SLC7A7: variants seen among roughly 807,000 people sequenced by gnomAD.
SLC7A7 encodes the protein solute carrier family 7 member 7.
In SLC7A7, 39 loss-of-function variants were observed where a neutral mutation model predicts 47.9. The ratio of observed to expected loss-of-function variants is 0.81; its 90% CI spans 0.63 to 1.06. SLC7A7 has a LOEUF of 1.06. Ranked by LOEUF, SLC7A7 falls within the 50% of genes least tolerant of loss-of-function variation. The probability of loss-of-function intolerance (pLI) is 0.00; values close to 1 mark genes in which losing one functional copy is unlikely to be tolerated. For missense variants in SLC7A7, 588 were observed against 632.0 expected, an observed-to-expected ratio of 0.93 and a Z score of 0.75; for synonymous variants, 234 against 242.8, an observed-to-expected ratio of 0.96 and a Z score of 0.34.
intron 2 of SLC7A7, among the ~76,000 whole-genome samples, chr14:22,801,824 C>A (rs1021986351): frequency 6.6e-6 from 1 of 152,062 alleles, no homozygotes; most frequent in Non-Finnish European, 1.5e-5. Context: ...CCATCCTGAC[C>A]CCGGCATGCA....
chr14:22,815,076 A>T, intron 1 of SLC7A7: 1 of 337,572 alleles, frequency 3.0e-6, no homozygotes, highest in Non-Finnish European at 5.9e-6. Context: ...TCCCTACCCC[A>T]GAGTTGCTGC....
rs1023423886 is a variant in SLC7A7 at position 22,815,310 on chromosome 14, G to A, written c.-43+10C>T. The A allele has an allele frequency of 3.5e-5, 16 of 451,468 alleles. No individual in the cohort carries two copies. Among genetic ancestry groups the A allele is most frequent in the African/African-American group, 2.8e-4 (14 of 49,958 alleles). The allele number at this position is 451,468 out of a possible 1,614,324, so 28.0% of individuals were successfully genotyped here. On this transcript the variant is annotated intron_variant, in intron 1 of 9. Coordinates refer to ENST00000674313, the MANE Select transcript of SLC7A7 (RefSeq NM_003982.4). Reference sequence around the variant, plus strand: ...AGTGGAGATGAGAAGAGGGTGGAACGCACACTCACTCCTTGGTCCTGGATA... The same window carrying A: ...AGTGGAGATGAGAAGAGGGTGGAACACACACTCACTCCTTGGTCCTGGATA...
chr14:22,791,831 CT>C (rs35316014), intron 2 of SLC7A7, among the ~76,000 whole-genome samples: 9 of 53,464 alleles, frequency 1.7e-4, no homozygotes, highest in Admixed American at 2.5e-4. Context: ...ATCTCTACAC[CT>C]TTTTTTTTTT....
rs1216926716 is a variant in SLC7A7, at chr14:22,792,883, G to C, written c.500-12832C>G. On this transcript the variant is annotated intron_variant, in intron 2 of 9. Transcript: ENST00000674313. ...AAAGAAAGAAAGAGAGAGAGAGAGA[G>C]AGAGAGAGAGAGAAAGGAAAAGAAA... Among the ~76,000 whole-genome samples the C allele has an allele frequency of 7.4e-5, 11 of 147,818 alleles. No individual in the cohort carries two copies. In the East Asian group the frequency reaches 8.0e-4, roughly 11 times the overall value.
chr14:22,773,355 T>C lies in SLC7A7; in HGVS notation c.*255A>G, dbSNP rs756490569. ...GTAGGTAGGCACACCCAGGTGCTTC[T>C]AAAACAACCAAGCCCAAACCTGACA... is the stretch of plus-strand genomic sequence containing the variant. On this transcript the variant is annotated 3_prime_UTR_variant, in exon 10 of 10. Transcript: ENST00000674313. The C allele has an allele frequency of 6.8e-6, 4 of 591,488 alleles. No homozygotes were observed. The highest frequency in any genetic ancestry group is 4.6e-5 in the South Asian group (3 of 65,706). 36.6% of individuals were successfully genotyped at this position (591,488 alleles called of 1,614,324 possible).
chr14:22,788,019 G>GC (rs1318836712), intron 2 of SLC7A7, among the ~76,000 whole-genome samples: 1 of 151,858 alleles, frequency 6.6e-6, no homozygotes, highest in East Asian at 1.9e-4. Flanking sequence ...GTTGCAGTGA[G>GC]CCGAGATCGC....
chr14:22,802,115 A>G (rs933063124), intron 2 of SLC7A7, among the ~76,000 whole-genome samples: 1 of 152,118 alleles, frequency 6.6e-6, no homozygotes, highest in East Asian at 1.9e-4. Context: ...CTATTTATTG[A>G]GGGCCGGGCA....
At chr14:22,808,001 A>C (rs1193094297) in intron 2 of SLC7A7, among the ~76,000 whole-genome samples, 1 of 152,050 alleles carries the variant, frequency 6.6e-6, no homozygotes, top group Non-Finnish European at 1.5e-5. Flanking sequence ...GTCTCTACTA[A>C]AAACACAAAA....
At chr14:22,780,630 G>A (rs2038702375) in intron 2 of SLC7A7, among the ~76,000 whole-genome samples, 1 of 152,328 alleles carries the variant, frequency 6.6e-6, no homozygotes, top group African/African-American at 2.4e-5. Context: ...GCTAAGAGTG[G>A]TTCCTGTAGA....
chr14:22,817,319 T>TTTTTA (rs150800938), upstream of SLC7A7: 1,645 of 203,668 alleles, frequency 8.1e-3, 10 homozygotes, highest in South Asian at 0.015. Context: ...TATTTCGGTA[T>TTTTTA]TTTTATTTTA....
At chr14:22,799,748 C>G (rs1358220013) in intron 2 of SLC7A7, among the ~76,000 whole-genome samples, 1 of 152,166 alleles carries the variant, frequency 6.6e-6, no homozygotes, top group Non-Finnish European at 1.5e-5. Flanking sequence ...AGCCACCGCC[C>G]TGGCCTGTTC....
intron 2 of SLC7A7, among the ~76,000 whole-genome samples, chr14:22,783,486 C>T (rs937456610): frequency 9.3e-5 from 14 of 150,734 alleles, no homozygotes; most frequent in African/African-American, 2.9e-4. Flanking sequence ...CTGCAACCTC[C>T]GCCTCCTGGG....
intron 2 of SLC7A7, among the ~76,000 whole-genome samples, chr14:22,810,039 CAA>C (rs34386018): frequency 8.2e-5 from 5 of 60,668 alleles, no homozygotes; most frequent in African/African-American, 1.5e-4. Context: ...AACACTGTCT[CAA>C]AAAAAAAAAA....
At chr14:22,778,574 C>CT (rs2038658028) in intron 4 of SLC7A7, among the ~76,000 whole-genome samples, 1 of 118,040 alleles carries the variant, frequency 8.5e-6, no homozygotes, top group African/African-American at 3.2e-5. Flanking sequence ...GTAAAAATGC[C>CT]TTTAAAAATT....
At chr14:22,783,260 G>T (rs1457844140) in intron 2 of SLC7A7, among the ~76,000 whole-genome samples, 1 of 151,544 alleles carries the variant, frequency 6.6e-6, no homozygotes, top group Non-Finnish European at 1.5e-5. Flanking sequence ...ACGGGGTCTT[G>T]CTATGTGGCC....
chr14:22,811,844 CAAAAAAAAAAAA>C (rs57356836), intron 2 of SLC7A7, among the ~76,000 whole-genome samples: 177 of 125,184 alleles, frequency 1.4e-3, no homozygotes, highest in African/African-American at 5.0e-3. Context: ...GACTCTATCT[CAAAAAAAAAAAA>C]AAAAAAAAAG....
chr14:22,809,811 C>T (rs1189871083), intron 2 of SLC7A7, among the ~76,000 whole-genome samples: 1 of 152,002 alleles, frequency 6.6e-6, no homozygotes, highest in African/African-American at 2.4e-5. Flanking sequence ...ACATGTATGT[C>T]TCTATACCCA....
At chr14:22,773,878 A>T in intron 9 of SLC7A7, 55 bp downstream of exon 9, 1 of 1,609,674 alleles carries the variant, frequency 6.2e-7, no homozygotes, top group Admixed American at 1.7e-5. Flanking sequence ...TTTACAGAAA[A>T]AGGCAAAAAC....
Position 22,788,500 on chromosome 14 carries a change from T to C in SLC7A7, c.500-8449A>G, listed in dbSNP as rs187996448. On this transcript the variant is annotated intron_variant, in intron 2 of 9. Coordinates refer to ENST00000674313, the MANE Select transcript of SLC7A7 (RefSeq NM_003982.4). ...CGGGCAGATCACAAAGTCAGGAGTT[T>C]GAGATCAGCCTGGCCAACATGGTGA... Among the ~76,000 whole-genome samples the C allele has an allele frequency of 3.7e-3, 569 of 151,942 alleles. 1 individual carries two copies. The highest frequency in any genetic ancestry group is 5.4e-3 in the Non-Finnish European group (368 of 67,962).
Sources: gnomAD v4.1 joint callset for allele counts (sites outside exome capture counted in the v4.1 genomes callset) on GRCh38, gnomAD v4.1.1 for gene constraint, MANE v1.5 for transcripts, NCBI Gene and HGNC (gene_info 2026-07-23, HGNC 2026-07-21) for gene names.